Variants in TNKS observed in about 807,000 individuals in gnomAD.
The protein encoded by TNKS is poly [ADP-ribose] polymerase tankyrase-1.
TNKS carries 72 observed loss-of-function variants against 135.8 expected under a neutral mutation model. The ratio of observed to expected loss-of-function variants is 0.53; its 90% CI spans 0.44 to 0.64. The LOEUF (loss-of-function observed/expected upper bound fraction) is 0.64, where lower values mean the gene tolerates loss of function less well. TNKS is among the 30% of genes least tolerant of loss of function. The pLI, the probability that TNKS is intolerant of heterozygous loss-of-function variation, is 0.00. For synonymous variants in TNKS, 849 were observed against 649.3 expected (o/e 1.31, Z -4.68); for missense variants, 1,769 against 1,674.0 (o/e 1.06, Z -0.99).
intron 2 of TNKS, among the ~76,000 whole-genome samples, chr8:9,595,007 G>T (rs1007527641): frequency 6.6e-6 from 1 of 152,178 alleles, no homozygotes; most frequent in African/African-American, 2.4e-5. Context: ...TGAAAATTCA[G>T]TGAAGCCTTG....
chr8:9,762,394 A>T (rs1023892514), intron 21 of TNKS, among the ~76,000 whole-genome samples: 1 of 152,218 alleles, frequency 6.6e-6, no homozygotes, highest in Non-Finnish European at 1.5e-5. Context: ...AACAAAGATA[A>T]TGTGTTTTAA....
chr8:9,603,670 C>G (rs935704801), intron 2 of TNKS, among the ~76,000 whole-genome samples: 7 of 152,190 alleles, frequency 4.6e-5, no homozygotes, highest in African/African-American at 1.7e-4. Context: ...ATGAGGTTCT[C>G]ATAGGTTCCT....
chr8:9,695,267 C>A (rs970881914), intron 5 of TNKS, among the ~76,000 whole-genome samples: 2 of 152,056 alleles, frequency 1.3e-5, no homozygotes, highest in Non-Finnish European at 2.9e-5. Flanking sequence ...TAATATTAAT[C>A]CTTAGGAAGA....
At chr8:9,754,091 A>C (rs1337628470) in intron 20 of TNKS, among the ~76,000 whole-genome samples, 1 of 152,196 alleles carries the variant, frequency 6.6e-6, no homozygotes, top group East Asian at 1.9e-4. Flanking sequence ...GGCCACCAGT[A>C]TAATCCTGGG....
At chr8:9,655,611 T>G (rs916531970) in intron 3 of TNKS, among the ~76,000 whole-genome samples, 5 of 152,216 alleles carry the variant, frequency 3.3e-5, no homozygotes, top group African/African-American at 1.2e-4. Flanking sequence ...CAGCCACTGC[T>G]GCCTGATACC....
intron 26 of TNKS, among the ~76,000 whole-genome samples, chr8:9,775,838 C>A (rs563137810): frequency 2.0e-5 from 3 of 152,186 alleles, no homozygotes; most frequent in Admixed American, 1.3e-4. Flanking sequence ...CCACTCTGAA[C>A]TACTGAATCT....
chr8:9,689,198 C>T (rs1367666502), intron 5 of TNKS, among the ~76,000 whole-genome samples: 1 of 152,156 alleles, frequency 6.6e-6, no homozygotes, highest in East Asian at 1.9e-4. Context: ...CTCTGTCTCA[C>T]ACATATGCAT....
chr8:9,745,386 A>AT (rs1248433885), intron 17 of TNKS, among the ~76,000 whole-genome samples: 1 of 151,984 alleles, frequency 6.6e-6, no homozygotes, highest in African/African-American at 2.4e-5. Context: ...TATTTATTTT[A>AT]TTTTTTGTTT....
intron 3 of TNKS, among the ~76,000 whole-genome samples, chr8:9,625,120 G>A (rs1378156777): frequency 6.6e-6 from 1 of 151,810 alleles, no homozygotes; most frequent in African/African-American, 2.4e-5. Context: ...AAACTAATTG[G>A]GTTATTTATT....
intron 20 of TNKS, 27 bp from the exon 21 acceptor site, chr8:9,761,489 C>G (rs751101094): frequency 6.2e-7 from 1 of 1,611,322 alleles, no homozygotes; most frequent in Non-Finnish European, 8.5e-7. Flanking sequence ...TTAAAGATAT[C>G]CTAGCTAATT....
At chr8:9,575,792 A>G (rs941566514) in intron 1 of TNKS, among the ~76,000 whole-genome samples, 7 of 152,220 alleles carry the variant, frequency 4.6e-5, no homozygotes, top group Non-Finnish European at 8.8e-5. Flanking sequence ...GCTTTTATCA[A>G]TTTGCATGGA....
At chr8:9,578,989 C>CCT (rs1440009339) in intron 1 of TNKS, among the ~76,000 whole-genome samples, 1 of 152,080 alleles carries the variant, frequency 6.6e-6, no homozygotes, top group Non-Finnish European at 1.5e-5. Flanking sequence ...TCATTAAATC[C>CCT]TCATGGTACT....
At chr8:9,664,226 C>T (rs1342210569) in intron 3 of TNKS, among the ~76,000 whole-genome samples, 3 of 152,138 alleles carry the variant, frequency 2.0e-5, no homozygotes, top group African/African-American at 7.2e-5. Flanking sequence ...AGATTGCTTC[C>T]ACTCCTGGCA....
intron 6 of TNKS, 93 bp from the exon 7 acceptor site, chr8:9,706,093 TG>T: frequency 1.4e-6 from 1 of 726,278 alleles, no homozygotes; most frequent in Non-Finnish European, 2.1e-6. Flanking sequence ...TTAAAATAAT[TG>T]TATTGGGATT....
intron 11 of TNKS, among the ~76,000 whole-genome samples, chr8:9,712,249 G>T (rs1348856348): frequency 6.6e-6 from 1 of 152,192 alleles, no homozygotes; most frequent in African/African-American, 2.4e-5. Flanking sequence ...GGAGGCAAAG[G>T]CAGAAGGATT....
At chr8:9,609,087 T>C (rs556329668) in intron 2 of TNKS, among the ~76,000 whole-genome samples, 1 of 152,342 alleles carries the variant, frequency 6.6e-6, no homozygotes, top group East Asian at 1.9e-4. Flanking sequence ...TATAGTTTCA[T>C]CTTTTTTAGA....
chr8:9,557,231 A>G (rs1178507827), intron 1 of TNKS: 3 of 152,382 alleles, frequency 2.0e-5, no homozygotes, highest in Non-Finnish European at 4.4e-5. Flanking sequence ...TGTTGTGGCC[A>G]CTATTATTTG....
intron 2 of TNKS, among the ~76,000 whole-genome samples, chr8:9,584,949 A>C (rs2129054333): frequency 6.6e-6 from 1 of 152,344 alleles, no homozygotes; most frequent in South Asian, 2.1e-4. Context: ...ACATCTAGAC[A>C]TGAAGCCCAG....
intron 11 of TNKS, among the ~76,000 whole-genome samples, chr8:9,717,072 A>AATAT (rs368231440): frequency 0.067 from 5,293 of 79,414 alleles, 480 homozygotes; most frequent in Admixed American, 0.21. Context: ...GTTGTATTAT[A>AATAT]ATATATATAT....
Sources: allele counts gnomAD v4.1 joint callset (sites outside exome capture counted in the v4.1 genomes callset), GRCh38; gene constraint gnomAD v4.1.1; transcripts MANE v1.5; gene names NCBI Gene and HGNC (gene_info 2026-07-23, HGNC 2026-07-21).